GPSM2: variants seen among roughly 807,000 people sequenced by gnomAD.
GPSM2 encodes G protein signaling modulator 2.
In GPSM2, 58 loss-of-function variants were observed where a neutral mutation model predicts 78.4. The observed-to-expected ratio is 0.74, with a 90% CI of 0.60 to 0.92. GPSM2 has a LOEUF of 0.92. Among genes scored for constraint, GPSM2 ranks in the 40% least tolerant of loss-of-function variants. The probability of loss-of-function intolerance (pLI) is 0.00; values close to 1 mark genes in which losing one functional copy is unlikely to be tolerated. For missense variants in GPSM2, 700 were observed against 815.5 expected, an observed-to-expected ratio of 0.86 and a Z score of 1.73; for synonymous variants, 224 against 280.2, an observed-to-expected ratio of 0.80 and a Z score of 2.00.
Position 108,913,836 on chromosome 1 carries a change from G to A in GPSM2, c.1193-502G>A, listed in dbSNP as rs889850486. Among the ~76,000 whole-genome samples the A allele has an allele frequency of 3.9e-5, 6 of 152,174 alleles. No individual in the cohort carries two copies. The East Asian group carries it at 7.7e-4, about 20-fold the overall frequency. On this transcript the variant is annotated intron_variant, in intron 10 of 14. Transcript: ENST00000264126. ...TTTATTGAAAAAAGTTTAAGGACTC[G>A]TTTACTTGTTTTCTGACTGGCAGTA...
intron 1 of GPSM2, among the ~76,000 whole-genome samples, chr1:108,884,387 T>A (rs1647367162): frequency 6.6e-6 from 1 of 152,142 alleles, no homozygotes; most frequent in African/African-American, 2.4e-5. Context: ...TCCAAAAAAC[T>A]ATAATCCAAA....
At chr1:108,893,270 A>G (rs1648104771) in intron 2 of GPSM2, among the ~76,000 whole-genome samples, 1 of 152,192 alleles carries the variant, frequency 6.6e-6, no homozygotes, top group Non-Finnish European at 1.5e-5. Flanking sequence ...CGATTTTTAA[A>G]TGTTGTTCAC....
intron 2 of GPSM2, among the ~76,000 whole-genome samples, chr1:108,892,175 A>G (rs1175355343): frequency 6.6e-6 from 1 of 152,238 alleles, no homozygotes; most frequent in Non-Finnish European, 1.5e-5. Flanking sequence ...TTGCCTCTTA[A>G]GTCCTGAATT....
chr1:108,929,599 A>C, intron 14 of GPSM2, 102 bp from the exon 15 acceptor site: 1 of 1,033,412 alleles, frequency 9.7e-7, no homozygotes, highest in Non-Finnish European at 1.5e-6. Context: ...GCCCCAAATA[A>C]AAGTTTACAA....
In GPSM2 at chr1:108,929,961, T is replaced by TCC; in HGVS notation, c.*21_*22insCC. 6 of 1,607,824 alleles carry TCC rather than the reference T, an allele frequency of 3.7e-6. No individual in the cohort carries two copies. The African/African-American group carries it at 6.7e-5, about 18-fold the overall frequency. ...ATTAGTTACTATGGATTTATTTTTTTTCCTTTCAAACACGGTAAGGAAACA... is the reference window on the plus strand; with the variant it reads ...ATTAGTTACTATGGATTTATTTTTTTCCTCCTTTCAAACACGGTAAGGAAACA... On this transcript the variant is annotated 3_prime_UTR_variant, in exon 15 of 15. Transcript: ENST00000264126.
chr1:108,931,209 C>A lies in GPSM2; in HGVS notation c.*1269C>A. ...GTGGTTAGGTCAAGAACCTAGGACACATAAACAAACAGAAAACAGATGAAA... is the reference window on the plus strand; with the variant it reads ...GTGGTTAGGTCAAGAACCTAGGACAAATAAACAAACAGAAAACAGATGAAA... On this transcript the variant is annotated 3_prime_UTR_variant, in exon 15 of 15. Coordinates refer to ENST00000264126, the MANE Select transcript of GPSM2 (RefSeq NM_013296.5). The A allele has an allele frequency of 1.6e-6, 2 of 1,231,286 alleles. No homozygotes were observed. The highest frequency in any genetic ancestry group is 1.1e-6 in the Non-Finnish European group (1 of 914,234). The allele number at this position is 1,231,286 out of a possible 1,614,324, so 76.3% of individuals were successfully genotyped here. A position where few individuals can be genotyped will look rare whatever the true frequency, so the allele number is the denominator to read the frequency against.
At chr1:108,899,843 T>A (rs1648652585) in intron 7 of GPSM2, among the ~76,000 whole-genome samples, 1 of 152,234 alleles carries the variant, frequency 6.6e-6, no homozygotes, top group African/African-American at 2.4e-5. Flanking sequence ...GTTTTAGGCC[T>A]ATCTAAAAAA....
chr1:108,931,552 C>G lies in GPSM2; in HGVS notation c.*1612C>G, dbSNP rs534134568. ...AAGTCATTCAGGTGATTTGGATGGG[C>G]AAATAGAACTATTTCTCTAATGGCC... On this transcript the variant is annotated 3_prime_UTR_variant, in exon 15 of 15. Coordinates refer to ENST00000264126, the MANE Select transcript of GPSM2 (RefSeq NM_013296.5). The G allele has an allele frequency of 6.6e-4, 970 of 1,464,116 alleles. 2 individuals carry two copies. The highest frequency in any genetic ancestry group is 8.1e-4 in the Non-Finnish European group (891 of 1,099,850). 90.7% of individuals were successfully genotyped at this position (1,464,116 alleles called of 1,614,324 possible).
rs759152851 is a variant in GPSM2, at chr1:108,924,021, C to G, written c.1622C>G (p.Ser541Cys). 8.7e-6 allele frequency: 14 copies of G among 1,608,416 alleles called. No individual in the cohort carries two copies. In the African/African-American group the frequency reaches 1.9e-4, roughly 22 times the overall value. The change falls in exon 14 of 15, where the codon TCC becomes TGC. Residue 541 changes from serine to cysteine, a missense_variant. Transcript: ENST00000264126. ...TTAGCATCATCTGTTCCTGTGGTATCCCCCAACACGGATGAGTTTTTAGAT... is the reference window on the plus strand; with the variant it reads ...TTAGCATCATCTGTTCCTGTGGTATGCCCCAACACGGATGAGTTTTTAGAT... ...MLKTSSVPVV[S>C]PNTDEFLDLL... is the part of the protein sequence containing the mutation.
At position 108,897,605 on chromosome 1, in the gene GPSM2, T is replaced by C; in HGVS notation, c.392T>C (p.Ile131Thr). 1.2e-6 allele frequency: 2 copies of C among 1,613,894 alleles called. No homozygotes were observed. The highest frequency in any genetic ancestry group is 1.7e-6 in the Non-Finnish European group (2 of 1,179,804). Residue 131 changes from isoleucine to threonine, a missense_variant, in exon 4 of 15, where the codon ATT becomes ACT. By Grantham distance (89) the Ile-to-Thr change is moderately conservative. Transcript: ENST00000264126. ...GTTTGTTGTCAGCGACACCTAGATA[T>C]TTCCAGAGAGCTTAATGACAAGGTA... ...AIVCCQRHLD[I>T]SRELNDKVGE...
At chr1:108,920,478 A>T (rs1018344654) in intron 12 of GPSM2, among the ~76,000 whole-genome samples, 2 of 152,154 alleles carry the variant, frequency 1.3e-5, no homozygotes, top group South Asian at 4.1e-4. Flanking sequence ...TAAAAAGAGT[A>T]AAATAAATAA....
Position 108,931,520 on chromosome 1 carries a change from T to G in GPSM2, c.*1580T>G. The G allele has an allele frequency of 6.6e-7, 1 of 1,526,106 alleles. No individual in the cohort carries two copies. Among genetic ancestry groups the G allele is most frequent in the Non-Finnish European group, 8.8e-7 (1 of 1,134,158 alleles). The allele number at this position is 1,526,106 out of a possible 1,614,324, so 94.5% of individuals were successfully genotyped here. A position where few individuals can be genotyped will look rare whatever the true frequency, so the allele number is the denominator to read the frequency against. On this transcript the variant is annotated 3_prime_UTR_variant, in exon 15 of 15. Coordinates refer to ENST00000264126, the MANE Select transcript of GPSM2 (RefSeq NM_013296.5). Reference sequence around the variant, plus strand: ...GATCTGGGGATGTGGACCCCTATTCTTTCAAAAAGTCATTCAGGTGATTTG... The same window carrying G: ...GATCTGGGGATGTGGACCCCTATTCGTTCAAAAAGTCATTCAGGTGATTTG...
At chr1:108,888,691 C>G (rs535882946) in intron 2 of GPSM2, among the ~76,000 whole-genome samples, 1 of 152,218 alleles carries the variant, frequency 6.6e-6, no homozygotes, top group Non-Finnish European at 1.5e-5. Flanking sequence ...AGATGAACAT[C>G]AGAATATAGT....
chr1:108,883,951 G>A (rs556430809), intron 1 of GPSM2, among the ~76,000 whole-genome samples: 6 of 152,100 alleles, frequency 3.9e-5, no homozygotes, highest in Admixed American at 2.6e-4. Flanking sequence ...GCACTGTGTC[G>A]CCTGGGCTGG....
Position 108,930,172 on chromosome 1 carries a change from T to C in GPSM2, c.*232T>C, listed in dbSNP as rs1052687106. 8.1e-6 allele frequency: 4 copies of C among 492,524 alleles called. No individual in the cohort carries two copies. The highest frequency in any genetic ancestry group is 1.1e-5 in the Non-Finnish European group (3 of 278,916). 30.5% of individuals were successfully genotyped at this position (492,524 alleles called of 1,614,324 possible). On this transcript the variant is annotated 3_prime_UTR_variant, in exon 15 of 15. Transcript: ENST00000264126. ...CATCGTCTGTGATTACTGCTTGGGATGTGTTCTTTGGCAGCTTGTGAGATT... is the reference window on the plus strand; with the variant it reads ...CATCGTCTGTGATTACTGCTTGGGACGTGTTCTTTGGCAGCTTGTGAGATT...
At chr1:108,886,123 G>A (rs1438854476) in intron 2 of GPSM2, among the ~76,000 whole-genome samples, 1 of 152,048 alleles carries the variant, frequency 6.6e-6, no homozygotes, top group Non-Finnish European at 1.5e-5. Context: ...TCAAACTCCT[G>A]GGCTCAAGCA....
chr1:108,900,117 C>T (rs1304483516), intron 7 of GPSM2, among the ~76,000 whole-genome samples: 1 of 151,698 alleles, frequency 6.6e-6, no homozygotes, highest in Non-Finnish European at 1.5e-5. Context: ...ACTAAAGAAG[C>T]ATGAATATAA....
In GPSM2 at chr1:108,898,861, TA is replaced by T; in HGVS notation, c.682-14del. ...CAGTTTTATTTTATCTACATCTAATTAAAATTGTTTGTTTCAGCGTCTCCTT... is the reference window on the plus strand; with the variant it reads ...CAGTTTTATTTTATCTACATCTAATTAAATTGTTTGTTTCAGCGTCTCCTT... On this transcript the variant is annotated splice_polypyrimidine_tract_variant and intron_variant, in intron 6 of 14. Transcript: ENST00000264126. The T allele has an allele frequency of 6.2e-7, 1 of 1,600,264 alleles. No homozygotes were observed. The highest frequency in any genetic ancestry group is 8.6e-7 in the Non-Finnish European group (1 of 1,167,410).
At chr1:108,929,270 T>G (rs1037519907) in intron 14 of GPSM2, among the ~76,000 whole-genome samples, 2 of 152,194 alleles carry the variant, frequency 1.3e-5, no homozygotes, top group East Asian at 3.8e-4. Context: ...AAGACGTGAT[T>G]TTTTTAAGGT....
Sources: gnomAD v4.1 joint callset for allele counts (sites outside exome capture counted in the v4.1 genomes callset) on GRCh38, gnomAD v4.1.1 for gene constraint, MANE v1.5 for transcripts, NCBI Gene and HGNC (gene_info 2026-07-23, HGNC 2026-07-21) for gene names.